The following STIM1 variants were observed in gnomAD, a reference collection of about 807,000 sequenced individuals.
STIM1 encodes the protein stromal interaction molecule 1.
Under a neutral mutation model 74.7 loss-of-function variants are expected in STIM1, and 25 were observed. The observed-to-expected ratio is 0.33, with a 90% CI of 0.24 to 0.47. The LOEUF (loss-of-function observed/expected upper bound fraction) is 0.47, where lower values mean the gene tolerates loss of function less well. Ranked by LOEUF, STIM1 falls within the 20% of genes least tolerant of loss-of-function variation. STIM1 has a pLI of 1.00. For synonymous variants in STIM1, 328 were observed against 348.8 expected (o/e 0.94, Z 0.66); for missense variants, 728 against 920.8 (o/e 0.79, Z 2.71).
At chr11:3,931,036 A>G (rs1045149092) in intron 1 of STIM1, among the ~76,000 whole-genome samples, 3 of 152,200 alleles carry the variant, frequency 2.0e-5, no homozygotes, top group African/African-American at 7.2e-5. Context: ...GAAGGCAAAA[A>G]TGAACAAAAT....
intron 2 of STIM1, among the ~76,000 whole-genome samples, chr11:3,970,157 AC>A (rs1311540067): frequency 6.7e-6 from 1 of 149,190 alleles, no homozygotes; most frequent in African/African-American, 2.5e-5. Context: ...GAGGAATGTT[AC>A]CACAACAAAA....
chr11:4,088,432 C>G (rs2094505232), intron 12 of STIM1: 1 of 400,424 alleles, frequency 2.5e-6, no homozygotes, highest in Non-Finnish European at 4.8e-6. Context: ...GTTCCTTTCT[C>G]TTGCACAAAG....
intron 2 of STIM1, among the ~76,000 whole-genome samples, chr11:4,000,959 T>C (rs567796013): frequency 5.9e-4 from 90 of 152,100 alleles, no homozygotes; most frequent in African/African-American, 2.0e-3. Flanking sequence ...CAGGACCCAA[T>C]GCGATCAACT....
intron 2 of STIM1, among the ~76,000 whole-genome samples, chr11:3,999,935 C>T (rs2093697195): frequency 6.6e-6 from 1 of 152,154 alleles, no homozygotes; most frequent in Admixed American, 6.5e-5. Flanking sequence ...AGATTATATC[C>T]TGCACCTGGC....
chr11:3,889,117 T>C (rs888531411), intron 1 of STIM1, among the ~76,000 whole-genome samples: 1 of 149,272 alleles, frequency 6.7e-6, no homozygotes, highest in African/African-American at 2.5e-5. Flanking sequence ...GTGCTTACTA[T>C]GTGCCAGGCA....
At position 4,070,150 on chromosome 11, in the gene STIM1, G is replaced by A. The variant is rs536528954; in HGVS notation, c.738G>A (p.Lys246=). The change falls in exon 6 of 13, where the codon AAG becomes AAA. Residue 246 remains lysine, a synonymous_variant. Transcript: ENST00000526596. The stretch of plus-strand genomic sequence containing the variant: ...AGGAGCACATGAAGAAGATGATGAA[G>A]GACTTGGAGGGGTTACACCGAGCTG... ...YSKEHMKKMM[K]DLEGLHRAEQ... 10 of 1,614,100 alleles carry A rather than the reference G, an allele frequency of 6.2e-6. No individual in the cohort carries two copies. The highest frequency in any genetic ancestry group is 5.3e-5 in the African/African-American group (4 of 75,018).
intron 2 of STIM1, among the ~76,000 whole-genome samples, chr11:4,013,913 T>C (rs2093868615): frequency 1.3e-5 from 2 of 151,930 alleles, no homozygotes; most frequent in Non-Finnish European, 2.9e-5. Context: ...TTCACCGTGT[T>C]AGCCAGGATG....
chr11:3,915,309 C>G lies in STIM1; in HGVS notation c.140-52243C>G, dbSNP rs557269737. Among the ~76,000 whole-genome samples the G allele has an allele frequency of 4.6e-5, 7 of 152,042 alleles. No homozygotes were observed. The East Asian group carries it at 1.4e-3, about 29-fold the overall frequency. ...TTTGCTATGTTGCCCAGGTGCATCT[C>G]GAATTCCCGGGCTCAAGCAATACAC... On this transcript the variant is annotated intron_variant, in intron 1 of 12. Transcript: ENST00000526596.
chr11:3,989,532 G>C (rs753173815), intron 2 of STIM1: 20 of 584,012 alleles, frequency 3.4e-5, no homozygotes, highest in Non-Finnish European at 5.8e-5. Context: ...CGCGAAGCTG[G>C]GCTGCCTGGT....
At chr11:4,005,693 A>G (rs1050847503) in intron 2 of STIM1, among the ~76,000 whole-genome samples, 6 of 152,160 alleles carry the variant, frequency 3.9e-5, no homozygotes, top group Non-Finnish European at 7.4e-5. Flanking sequence ...ACTAACCGGC[A>G]CATTGTGCAC....
At chr11:3,960,375 T>A (rs1277072344) in intron 1 of STIM1, among the ~76,000 whole-genome samples, 1 of 152,216 alleles carries the variant, frequency 6.6e-6, no homozygotes, top group East Asian at 1.9e-4. Context: ...TTGACAGTTT[T>A]CCTGGATTAA....
chr11:4,038,254 C>T lies in STIM1; in HGVS notation c.385+14267C>T, dbSNP rs533806205. Reference sequence around the variant, plus strand: ...TTTGCCATGTTGGTCAGGCTGGTCTCGAACTCCTGACTTCAGGTGATCCGC... The same window carrying T: ...TTTGCCATGTTGGTCAGGCTGGTCTTGAACTCCTGACTTCAGGTGATCCGC... On this transcript the variant is annotated intron_variant, in intron 3 of 12. Transcript: ENST00000526596. Among the ~76,000 whole-genome samples, 10 of 152,082 alleles carry T rather than the reference C, an allele frequency of 6.6e-5. 1 individual carries two copies. The South Asian group carries it at 8.3e-4, about 13-fold the overall frequency.
chr11:3,862,995 C>T (rs569702715), intron 1 of STIM1, among the ~76,000 whole-genome samples: 6 of 152,140 alleles, frequency 3.9e-5, no homozygotes, highest in African/African-American at 1.4e-4. Flanking sequence ...TGGGTTTAAG[C>T]AATTCTTCTG....
At chr11:3,971,460 C>T (rs545542983) in intron 2 of STIM1, among the ~76,000 whole-genome samples, 3 of 151,912 alleles carry the variant, frequency 2.0e-5, no homozygotes, top group South Asian at 2.1e-4. Flanking sequence ...GCCTGGGAGG[C>T]GGAGCTTGCA....
In STIM1 at chr11:3,988,429, C is replaced by T. The variant is rs532385671; in HGVS notation, c.270+20747C>T. Among the ~76,000 whole-genome samples the T allele has an allele frequency of 5.3e-5, 8 of 151,938 alleles. No homozygotes were observed. The South Asian group carries it at 1.5e-3, about 28-fold the overall frequency. ...TGTACACAATTCTTAACATACGTACCGAAAATCTAAAAAGCCATGTATTGT... is the reference window on the plus strand; with the variant it reads ...TGTACACAATTCTTAACATACGTACTGAAAATCTAAAAAGCCATGTATTGT... On this transcript the variant is annotated intron_variant, in intron 2 of 12. Coordinates refer to ENST00000526596, the MANE Select transcript of STIM1 (RefSeq NM_001382567.1).
At chr11:4,043,853 A>G (rs1170194570) in intron 3 of STIM1, among the ~76,000 whole-genome samples, 1 of 151,982 alleles carries the variant, frequency 6.6e-6, no homozygotes, top group East Asian at 1.9e-4. Flanking sequence ...TGTCTCTACT[A>G]AAAATACAAA....
intron 2 of STIM1, among the ~76,000 whole-genome samples, chr11:3,998,806 A>C (rs191215122): frequency 4.6e-4 from 70 of 152,294 alleles, no homozygotes; most frequent in Non-Finnish European, 8.8e-5. Flanking sequence ...GGGAGAAAGC[A>C]TTTTAAATGG....
chr11:4,018,308 C>T (rs1049512638), intron 2 of STIM1, among the ~76,000 whole-genome samples: 5 of 150,148 alleles, frequency 3.3e-5, no homozygotes, highest in South Asian at 2.1e-4. Context: ...AAAAATTAGC[C>T]GGGCGCGGTG....
At chr11:4,000,223 A>G (rs2093701205) in intron 2 of STIM1, among the ~76,000 whole-genome samples, 1 of 103,374 alleles carries the variant, frequency 9.7e-6, no homozygotes, top group African/African-American at 3.0e-5. Context: ...GACAGCTTTG[A>G]AGAGAGCAGT....
Sources: gnomAD v4.1 joint callset for allele counts (sites outside exome capture counted in the v4.1 genomes callset) on GRCh38, gnomAD v4.1.1 for gene constraint, MANE v1.5 for transcripts, NCBI Gene and HGNC (gene_info 2026-07-23, HGNC 2026-07-21) for gene names.